The following SAMD11 variants were observed in gnomAD, a reference collection of about 807,000 sequenced individuals.
SAMD11 encodes sterile alpha motif domain-containing protein 11.
SAMD11 carries 77 observed loss-of-function variants against 64.4 expected under a neutral mutation model. The ratio of observed to expected loss-of-function variants is 1.20; its 90% CI spans 0.99 to 1.44. The LOEUF (loss-of-function observed/expected upper bound fraction) is 1.44. Among genes scored for constraint, SAMD11 ranks in the 40% most tolerant of loss-of-function variants. SAMD11 has a pLI of 0.00. For synonymous variants in SAMD11, 658 were observed against 421.9 expected (o/e 1.56, Z -6.86); for missense variants, 1,402 against 943.3 (o/e 1.49, Z -6.37).
intron 8 of SAMD11, among the ~76,000 whole-genome samples, chr1:941,535 C>T (rs1641766388): frequency 6.6e-6 from 1 of 151,978 alleles, no homozygotes; most frequent in Non-Finnish European, 1.5e-5. Flanking sequence ...GGAGGAGAAG[C>T]CAGAGAAGGG....
chr1:936,299 C>T (rs1008810898), intron 5 of SAMD11, among the ~76,000 whole-genome samples: 1 of 127,138 alleles, frequency 7.9e-6, no homozygotes. Flanking sequence ...GGCTCCTGGA[C>T]GGAGGGGGTC....
chr1:927,566 C>T (rs1210168804), intron 2 of SAMD11, among the ~76,000 whole-genome samples: 2 of 152,196 alleles, frequency 1.3e-5, no homozygotes, highest in African/African-American at 4.8e-5. Flanking sequence ...CTCCAGGGGC[C>T]CCTTCTTTCC....
chr1:937,772 C>G (rs1047214967), intron 5 of SAMD11, among the ~76,000 whole-genome samples: 1 of 152,250 alleles, frequency 6.6e-6, no homozygotes, highest in Non-Finnish European at 1.5e-5. Context: ...GTGGGACTGA[C>G]CCTCTCTCTG....
In SAMD11 at chr1:924,350, C is replaced by T. The variant is rs1197566230; in HGVS notation, c.-82C>T. On this transcript the variant is annotated 5_prime_UTR_variant, in exon 1 of 14. Transcript: ENST00000616016. ...GGCGCGCGGCCAGGCGCCTCCCCGG[C>T]CCCCGCGACCCAACTCCAGCCCGGG... The T allele has an allele frequency of 6.7e-6, 1 of 149,438 alleles. No homozygotes were observed. Among genetic ancestry groups the T allele is most frequent in the Non-Finnish European group, 1.5e-5 (1 of 66,952 alleles). The allele number at this position is 149,438 out of a possible 1,614,324, so 9.3% of individuals were successfully genotyped here. A position where few individuals can be genotyped will look rare whatever the true frequency, so the allele number is the denominator to read the frequency against.
chr1:941,806 C>T (rs1252534409), intron 8 of SAMD11, among the ~76,000 whole-genome samples: 9 of 152,144 alleles, frequency 5.9e-5, no homozygotes, highest in Non-Finnish European at 1.2e-4. Context: ...TCTGCAGCTG[C>T]CTCCACCGCC....
intron 5 of SAMD11, among the ~76,000 whole-genome samples, chr1:937,962 G>A (rs536256811): frequency 1.3e-5 from 2 of 152,330 alleles, no homozygotes; most frequent in East Asian, 1.9e-4. Flanking sequence ...GTGGGGGGAC[G>A]GGCTTGGGAG....
intron 1 of SAMD11, 30 bp downstream of exon 1, chr1:924,978 AC>A (rs1640805274): frequency 6.6e-6 from 1 of 151,776 alleles, no homozygotes; most frequent in African/African-American, 2.4e-5. Flanking sequence ...CGCTGCCGGG[AC>A]CCGCGGGCCC....
intron 5 of SAMD11, 67 bp downstream of exon 5, chr1:935,963 C>T (rs1569889708): frequency 2.0e-6 from 3 of 1,523,640 alleles, no homozygotes; most frequent in Non-Finnish European, 2.7e-6. Context: ...GGCGTCTCCA[C>T]TCAGCACCAG....
chr1:936,272 CCGG>C lies in SAMD11; in HGVS notation c.967+377_967+379del, dbSNP rs1557605227. 8.8e-5 allele frequency among the ~76,000 whole-genome samples: 12 copies of C among 135,728 alleles called. No homozygotes were observed. The East Asian group carries it at 2.3e-3, about 26-fold the overall frequency. 89.0% of individuals were successfully genotyped at this position (135,728 alleles called of 152,430 possible). On this transcript the variant is annotated intron_variant, in intron 5 of 13. Coordinates refer to ENST00000616016, the MANE Select transcript of SAMD11 (RefSeq NM_001385641.1). ...TAGGGCTCCTGGACGGAAGGGGTCC[CCGG>C]TCCCGCCTCCTAGGGCTCCTGGACG...
Position 943,109 on chromosome 1 carries a change from C to T in SAMD11, c.2053+51C>T. On this transcript the variant is annotated intron_variant, in intron 11 of 13. Coordinates refer to ENST00000616016, the MANE Select transcript of SAMD11 (RefSeq NM_001385641.1). ...TTCCAGAGGGCACAGGACTGGCAGG[C>T]CGCCTGTGGAAGGGTCTTGGGGGGA... is the stretch of plus-strand genomic sequence containing the variant. 4 of 1,553,134 alleles carry T rather than the reference C, an allele frequency of 2.6e-6. No homozygotes were observed. In the East Asian group the frequency reaches 6.9e-5, roughly 27 times the overall value.
At chr1:941,723 G>A (rs1165967851) in intron 8 of SAMD11, among the ~76,000 whole-genome samples, 1 of 152,154 alleles carries the variant, frequency 6.6e-6, no homozygotes, top group African/African-American at 2.4e-5. Context: ...CAGGACACGA[G>A]GCGGGGCGGG....
rs1405511870 is a variant in SAMD11, at chr1:924,510, G to GCGCTGC, written c.89_94dup (p.Leu30_Pro31dup). On this transcript the variant is annotated inframe_insertion, in exon 1 of 14. Transcript: ENST00000616016. ...GGCCACGTTCCACCCGACCCTGGCC[G>GCGCTGC]CGCTGCCGCTGCCGCCGCTGCCAGG... The GCGCTGC allele has an allele frequency of 2.0e-5, 3 of 150,038 alleles. No individual in the cohort carries two copies. The highest frequency in any genetic ancestry group is 3.9e-4 in the East Asian group (2 of 5,106). 9.3% of individuals were successfully genotyped at this position (150,038 alleles called of 1,614,324 possible). A position where few individuals can be genotyped will look rare whatever the true frequency, so the allele number is the denominator to read the frequency against.
intron 7 of SAMD11, 70 bp downstream of exon 7, chr1:939,482 ATC>A (rs775138689): frequency 1.3e-6 from 2 of 1,553,460 alleles, no homozygotes; most frequent in Non-Finnish European, 1.8e-6. Context: ...CCCTGGCATG[ATC>A]TCCCCTCATC....
chr1:936,392 G>A (rs1641450238), intron 5 of SAMD11, among the ~76,000 whole-genome samples: 1 of 147,440 alleles, frequency 6.8e-6, no homozygotes. Context: ...GGGGTCCCCG[G>A]TCCCGCCTCC....
At position 944,124 on chromosome 1, in the gene SAMD11, G is replaced by C. The variant is rs999783974; in HGVS notation, c.2506G>C (p.Ala836Pro). 4.4e-6 allele frequency: 7 copies of C among 1,592,768 alleles called. No homozygotes were observed. The highest frequency in any genetic ancestry group is 1.3e-5 in the African/African-American group (1 of 74,356). Residue 836 changes from alanine to proline, a missense_variant, in exon 14 of 14, where the codon GCC (alanine) becomes CCC (proline). Ala to Pro is a conservative substitution (Grantham distance 27). Transcript: ENST00000616016. ...ENGTLALLPGAPDPSQPLC is the reference protein window; with the variant it reads ...ENGTLALLPGPPDPSQPLC ...TGGGACCTTGGCTCTACTTCCAGGG[G>C]CCCCCGACCCTTCCCAGCCTCTGTG... is the stretch of plus-strand genomic sequence containing the variant.
chr1:936,479 G>A (rs1235974326), intron 5 of SAMD11, among the ~76,000 whole-genome samples: 1 of 152,120 alleles, frequency 6.6e-6, no homozygotes, highest in Non-Finnish European at 1.5e-5. Flanking sequence ...TCTCGGGAGG[G>A]AAGGGATCCG....
intron 9 of SAMD11, 31 bp from the exon 10 acceptor site, chr1:942,379 C>T (rs1641833326): frequency 1.5e-6 from 2 of 1,318,368 alleles, no homozygotes; most frequent in Non-Finnish European, 2.0e-6. Context: ...CCTCGGACCC[C>T]CCGACCCCGC....
intron 2 of SAMD11, among the ~76,000 whole-genome samples, chr1:928,263 G>T (rs1313142123): frequency 6.6e-6 from 1 of 152,192 alleles, no homozygotes; most frequent in Non-Finnish European, 1.5e-5. Context: ...GTGGTGGCGG[G>T]TGCCTGTAGT....
At chr1:927,357 C>T (rs1345326139) in intron 2 of SAMD11, among the ~76,000 whole-genome samples, 1 of 152,288 alleles carries the variant, frequency 6.6e-6, no homozygotes, top group Non-Finnish European at 1.5e-5. Context: ...GAGTGGGGAG[C>T]ACACAGCCTG....
Sources: gnomAD v4.1 joint callset for allele counts (sites outside exome capture counted in the v4.1 genomes callset) on GRCh38, gnomAD v4.1.1 for gene constraint, MANE v1.5 for transcripts, NCBI Gene and HGNC (gene_info 2026-07-23, HGNC 2026-07-21) for gene names.